SLC2A5: variants seen among roughly 807,000 people sequenced by gnomAD.
SLC2A5 encodes the protein solute carrier family 2, facilitated glucose transporter member 5.
In SLC2A5, 56 loss-of-function variants were observed where a neutral mutation model predicts 50.3. That is an observed-to-expected ratio of 1.11 (90% confidence interval 0.90 to 1.39). The LOEUF (loss-of-function observed/expected upper bound fraction) is 1.39. SLC2A5 is among the 40% of genes most tolerant of loss of function. The probability of loss-of-function intolerance (pLI) is 0.00; values close to 1 mark genes in which losing one functional copy is unlikely to be tolerated. For synonymous variants in SLC2A5, 269 were observed against 281.9 expected (o/e 0.95, Z 0.46); for missense variants, 566 against 650.1 (o/e 0.87, Z 1.41).
chr1:9,075,183 A>C (rs2124469527), intron 2 of SLC2A5, among the ~76,000 whole-genome samples: 1 of 152,308 alleles, frequency 6.6e-6, no homozygotes, highest in Non-Finnish European at 1.5e-5. Flanking sequence ...AACAAAGAGG[A>C]AGCAGATGAG....
At chr1:9,047,273 A>G (rs931192265) in intron 4 of SLC2A5, among the ~76,000 whole-genome samples, 4 of 152,152 alleles carry the variant, frequency 2.6e-5, no homozygotes, top group African/African-American at 9.7e-5. Flanking sequence ...TCTATTTTTA[A>G]AAAGAAAATG....
intron 9 of SLC2A5, 50 bp from the exon 10 acceptor site, chr1:9,038,556 G>A (rs1481360814): frequency 3.9e-6 from 6 of 1,524,410 alleles, no homozygotes; most frequent in South Asian, 3.4e-5. Flanking sequence ...GCTAGGACGG[G>A]ACCCCAGGGG....
upstream of SLC2A5, among the ~76,000 whole-genome samples, chr1:9,089,113 C>G (rs1642436460): frequency 1.3e-5 from 2 of 152,126 alleles, no homozygotes; most frequent in South Asian, 4.2e-4. Flanking sequence ...ATAATCAAGC[C>G]CCTATACAAA....
At position 9,039,803 on chromosome 1, in the gene SLC2A5, G is replaced by T; in HGVS notation, c.882C>A (p.Asn294Lys). The T allele has an allele frequency of 1.3e-6, 2 of 1,581,472 alleles. No individual in the cohort carries two copies. The highest frequency in any genetic ancestry group is 4.6e-5 in the East Asian group (2 of 43,100). Reference protein sequence around the residue: ...LMGGQQLSGVNAIYYYADQIY... With the variant: ...LMGGQQLSGVKAIYYYADQIY... ...CGAGCCGCAGCCCGGCCCATACAGC[G>T]TTGACGCCCGACAGCTGCTGGCCGC... The change falls in exon 7 of 12, where the codon AAC (asparagine) becomes AAA (lysine). Residue 294 changes from asparagine to lysine, a missense_variant. Coordinates refer to ENST00000377424, the MANE Select transcript of SLC2A5 (RefSeq NM_003039.3).
chr1:9,041,513 C>G (rs1641300868), intron 5 of SLC2A5: 1 of 1,341,442 alleles, frequency 7.5e-7, no homozygotes, highest in Non-Finnish European at 9.5e-7. Context: ...TGGACAGCTG[C>G]TGAGCAGGCA....
chr1:9,081,283 C>A (rs6661945), intron 2 of SLC2A5, among the ~76,000 whole-genome samples: 63,636 of 123,008 alleles, frequency 0.52, 16,791 homozygotes, highest in Admixed American at 0.58. Flanking sequence ...AAAAAAACCC[C>A]AAAAAAAAAA....
chr1:9,072,272 G>A, upstream of SLC2A5: 1 of 152,682 alleles, frequency 6.5e-6, no homozygotes, highest in Non-Finnish European at 1.5e-5. Context: ...CGGTGAGGTG[G>A]GACTGGGGGG....
intron 1 of SLC2A5, among the ~76,000 whole-genome samples, chr1:9,059,136 C>CTTTT (rs869052429): frequency 3.5e-3 from 191 of 53,838 alleles, no homozygotes; most frequent in Non-Finnish European, 4.4e-3. Context: ...GCCTTTCTTT[C>CTTTT]TTTTTTTTTT....
upstream of SLC2A5, among the ~76,000 whole-genome samples, chr1:9,070,591 A>G (rs12736085): frequency 0.29 from 44,732 of 152,030 alleles, 6,744 homozygotes; most frequent in Admixed American, 0.35. Flanking sequence ...CACAGGGCAC[A>G]CCAGCGCAAG....
Position 9,038,894 on chromosome 1 carries a change from C to G in SLC2A5, c.1032G>C (p.Leu344=), listed in dbSNP as rs1421623896. 2 of 1,612,674 alleles carry G rather than the reference C, an allele frequency of 1.2e-6. No individual in the cohort carries two copies. The highest frequency in any genetic ancestry group is 2.7e-5 in the African/African-American group (2 of 74,926). The change falls in exon 9 of 12, where the codon CTG becomes CTC. Residue 344 remains leucine (L), a synonymous_variant. Transcript: ENST00000377424. ...GGCAGATGGAGAAGCCCAGCAGCAG[C>G]AGCAGCCTCCGACCCAGGAGCTCCA... ...FVVELLGRRL[L]LLLGFSICLI...
At chr1:9,062,891 A>G (rs1049981800) in intron 1 of SLC2A5, among the ~76,000 whole-genome samples, 2 of 152,006 alleles carry the variant, frequency 1.3e-5, no homozygotes, top group Non-Finnish European at 2.9e-5. Context: ...ATAAATAAAT[A>G]AATAAATTAC....
intron 2 of SLC2A5, among the ~76,000 whole-genome samples, chr1:9,077,120 C>T (rs1471566523): frequency 6.6e-6 from 1 of 150,376 alleles, no homozygotes; most frequent in East Asian, 2.0e-4. Flanking sequence ...AAAAGGAAGG[C>T]TGGACATGGT....
rs777296058 is a variant in SLC2A5 at position 9,057,533 on chromosome 1, GCAA to G, written c.205_207del (p.Leu70del). 2 of 1,613,780 alleles carry G rather than the reference GCAA, an allele frequency of 1.2e-6. No homozygotes were observed. The highest frequency in any genetic ancestry group is 2.7e-5 in the African/African-American group (2 of 75,018). ...AACATGGACACGGTTACAGACCACA[GCAA>G]CGTCAAGGGGAAGTCTTCCATGAAT... On this transcript the variant is annotated inframe_deletion, in exon 3 of 12. Transcript: ENST00000377424.
chr1:9,057,658 CAAG>C (rs1641796449), intron 2 of SLC2A5, 50 bp from the exon 3 acceptor site: 1 of 1,546,540 alleles, frequency 6.5e-7, no homozygotes, highest in South Asian at 1.1e-5. Flanking sequence ...TCCGGTTTTG[CAAG>C]AAGAACATTA....
At chr1:9,045,272 G>A (rs1408799550) in intron 4 of SLC2A5, among the ~76,000 whole-genome samples, 1 of 152,118 alleles carries the variant, frequency 6.6e-6, no homozygotes, top group African/African-American at 2.4e-5. Context: ...GAATTAATAT[G>A]TCTCTCGGTT....
Position 9,055,682 on chromosome 1 carries a change from G to A in SLC2A5, c.293+1766C>T, listed in dbSNP as rs145633325. On this transcript the variant is annotated intron_variant, in intron 3 of 11. Coordinates refer to ENST00000377424, the MANE Select transcript of SLC2A5 (RefSeq NM_003039.3). ...TGTCATCTCAGCACTTGGGGAGGCC[G>A]AGGTGGGTGGATCACTTGACGCCAG... Among the ~76,000 whole-genome samples, 417 of 151,964 alleles carry A rather than the reference G, an allele frequency of 2.7e-3. 5 individuals are homozygous for A. Among genetic ancestry groups the A allele is most frequent in the African/African-American group, 9.7e-3 (402 of 41,460 alleles).
intron 4 of SLC2A5, among the ~76,000 whole-genome samples, chr1:9,042,655 G>GGT (rs141485120): frequency 6.0e-4 from 82 of 136,802 alleles, no homozygotes; most frequent in Admixed American, 1.5e-3. Context: ...GTGTGGCCTG[G>GGT]GTGTGTGTGT....
chr1:9,039,025 C>G, intron 8 of SLC2A5, 96 bp from the exon 9 acceptor site: 1 of 1,411,408 alleles, frequency 7.1e-7, no homozygotes, highest in South Asian at 1.3e-5. Flanking sequence ...CTGGGCGGAC[C>G]GGGTGCCCAC....
chr1:9,058,248 C>T lies in SLC2A5; in HGVS notation c.36G>A (p.Arg12=), dbSNP rs1177789814. 2 of 1,613,096 alleles carry T rather than the reference C, an allele frequency of 1.2e-6. No individual in the cohort carries two copies. Among genetic ancestry groups the T allele is most frequent in the Non-Finnish European group, 1.7e-6 (2 of 1,179,114 alleles). ...TTGCCAGGGCAAGCACAAGCGTCAG[C>T]CTCTGCAGAGATCACAGCTTAGGTC... ...EQQDQSMKEG[R]LTLVLALATL... is the part of the protein sequence containing the mutation. The change falls in exon 2 of 12, where the codon AGG becomes AGA. Residue 12 remains arginine, a splice_region_variant and synonymous_variant. Transcript: ENST00000377424.
Sources: allele counts gnomAD v4.1 joint callset (sites outside exome capture counted in the v4.1 genomes callset), GRCh38; gene constraint gnomAD v4.1.1; transcripts MANE v1.5; gene names NCBI Gene and HGNC (gene_info 2026-07-23, HGNC 2026-07-21).